The following EPS8 variants were observed in gnomAD, a reference collection of about 807,000 sequenced individuals.
EPS8 encodes epidermal growth factor receptor kinase substrate 8.
In EPS8, 42 loss-of-function variants were observed where a neutral mutation model predicts 103.8. That is an observed-to-expected ratio of 0.40 (90% CI 0.32 to 0.52). The LOEUF is 0.52. Among genes scored for constraint, EPS8 ranks in the 20% least tolerant of loss-of-function variants. The pLI, the probability that EPS8 is intolerant of heterozygous loss-of-function variation, is 0.40. For synonymous variants in EPS8, 344 were observed against 344.6 expected (o/e 1.00, Z 0.02); for missense variants, 969 against 1,005.1 (o/e 0.96, Z 0.49).
chr12:15,628,716 T>C lies in EPS8; in HGVS notation c.2044+2726A>G, dbSNP rs1215775212. Among the ~76,000 whole-genome samples the C allele has an allele frequency of 3.9e-5, 6 of 152,242 alleles. No homozygotes were observed. The East Asian group carries it at 1.2e-3, about 29-fold the overall frequency. On this transcript the variant is annotated intron_variant, in intron 18 of 20. Coordinates refer to ENST00000281172, the MANE Select transcript of EPS8 (RefSeq NM_004447.6). ...TTGTAAAAACAGGCATGTTGGCTTT[T>C]TTCCCCTGTTCATAGCTGCTACTTG...
rs188804799 is a variant in EPS8, at chr12:15,744,936, C to T, written c.-22+44225G>A. Among the ~76,000 whole-genome samples, 251 of 152,130 alleles carry T rather than the reference C, an allele frequency of 1.6e-3. 1 individual carries two copies. The highest frequency in any genetic ancestry group is 4.4e-3 in the African/African-American group (182 of 41,520). On this transcript the variant is annotated intron_variant, in intron 1 of 20. Transcript: ENST00000281172. ...CTGTCACCAGGCTAGAGTGCAGTGGCGCGATCTCGGCTCACCTCCCAGGTT... is the reference window on the plus strand; with the variant it reads ...CTGTCACCAGGCTAGAGTGCAGTGGTGCGATCTCGGCTCACCTCCCAGGTT...
intron 1 of EPS8, among the ~76,000 whole-genome samples, chr12:15,699,674 A>T (rs1464583349): frequency 6.6e-6 from 1 of 152,224 alleles, no homozygotes; most frequent in Non-Finnish European, 1.5e-5. Context: ...TTTGGCTTAC[A>T]TAATTTTTCC....
chr12:15,722,082 T>A (rs150800007), intron 1 of EPS8, among the ~76,000 whole-genome samples: 1 of 151,884 alleles, frequency 6.6e-6, no homozygotes, highest in Admixed American at 6.6e-5. Flanking sequence ...TGATTTCTCA[T>A]TGAAGCCTTC....
intron 1 of EPS8, among the ~76,000 whole-genome samples, chr12:15,711,564 A>T (rs1343774683): frequency 2.6e-5 from 4 of 152,144 alleles, no homozygotes; most frequent in Admixed American, 2.6e-4. Context: ...CATTCCAAGA[A>T]CATATATGGA....
At position 15,764,025 on chromosome 12, in the gene EPS8, G is replaced by A. The variant is rs1591927627; in HGVS notation, c.-22+25136C>T. ...TTAGTATATTCTCACACTAATAATA[G>A]ACATACCTGAGACTAATTTATAAAG... On this transcript the variant is annotated intron_variant, in intron 1 of 20. Coordinates refer to ENST00000281172, the MANE Select transcript of EPS8 (RefSeq NM_004447.6). This position sits in a 1 kb window ranked among gnomAD's most constrained non-coding sequence, Gnocchi z 4.1. Among the ~76,000 whole-genome samples, 2 of 152,232 alleles carry A rather than the reference G, an allele frequency of 1.3e-5. No individual in the cohort carries two copies. Among genetic ancestry groups the A allele is most frequent in the East Asian group, 3.9e-4 (2 of 5,168 alleles).
In EPS8 at chr12:15,767,298, T is replaced by C. The variant is rs1947108166; in HGVS notation, c.-22+21863A>G. ...TCATCCCTACCATTTTCACAAATTA[T>C]TTCTACAGAAGCAGACTAGTTCTAC... On this transcript the variant is annotated intron_variant, in intron 1 of 20. Coordinates refer to ENST00000281172, the MANE Select transcript of EPS8 (RefSeq NM_004447.6). This position sits in a 1 kb window ranked among gnomAD's most constrained non-coding sequence, Gnocchi z 5.5. Among the ~76,000 whole-genome samples, 1 of 152,226 alleles carries C rather than the reference T, an allele frequency of 6.6e-6. No individual in the cohort carries two copies. Among genetic ancestry groups the C allele is most frequent in the Admixed American group, 6.5e-5 (1 of 15,280 alleles).
intron 1 of EPS8, among the ~76,000 whole-genome samples, chr12:15,723,556 A>C (rs1037220167): frequency 6.6e-6 from 1 of 152,178 alleles, no homozygotes; most frequent in South Asian, 2.1e-4. Flanking sequence ...CAAAATATAC[A>C]TACATCTTGG....
Position 15,621,270 on chromosome 12 carries a change from G to A in EPS8, c.*47C>T. On this transcript the variant is annotated 3_prime_UTR_variant, in exon 21 of 21. Transcript: ENST00000281172. ...TTCAAGGCTTCTTAAAACAAAGCAT[G>A]TTGGAATAATGCCAAAAACAATGGA... The A allele has an allele frequency of 1.0e-6, 1 of 983,356 alleles. No individual in the cohort carries two copies. The highest frequency in any genetic ancestry group is 1.5e-6 in the Non-Finnish European group (1 of 656,152). The allele number at this position is 983,356 out of a possible 1,614,324, so 60.9% of individuals were successfully genotyped here. A position where few individuals can be genotyped will look rare whatever the true frequency, so the allele number is the denominator to read the frequency against.
At chr12:15,660,277 CTTTT>C (rs758054887) in intron 10 of EPS8, among the ~76,000 whole-genome samples, 1 of 141,224 alleles carries the variant, frequency 7.1e-6, no homozygotes, top group African/African-American at 2.6e-5. Context: ...TACCAGAGTT[CTTTT>C]TTTTTTTTTT....
At chr12:15,754,430 A>C (rs563431985) in intron 1 of EPS8, among the ~76,000 whole-genome samples, 37 of 152,236 alleles carry the variant, frequency 2.4e-4, no homozygotes, top group South Asian at 2.1e-3. Context: ...ACAGGGGGAA[A>C]AACAAGAAGG....
At chr12:15,657,970 T>C in intron 12 of EPS8, 109 bp downstream of exon 12, 2 of 684,260 alleles carry the variant, frequency 2.9e-6, no homozygotes, top group Non-Finnish European at 2.6e-6. Flanking sequence ...GGCAAAGAAA[T>C]AGTACCCACG....
intron 1 of EPS8, among the ~76,000 whole-genome samples, chr12:15,730,118 T>C (rs1419914560): frequency 1.3e-5 from 2 of 152,160 alleles, no homozygotes; most frequent in East Asian, 3.9e-4. Context: ...TCTCTATAAC[T>C]TTGGGGCATC....
chr12:15,681,312 T>A lies in EPS8; in HGVS notation c.60-10A>T. The A allele has an allele frequency of 1.0e-6, 1 of 959,716 alleles. No individual in the cohort carries two copies. Among genetic ancestry groups the A allele is most frequent in the Non-Finnish European group, 1.4e-6 (1 of 715,702 alleles). 59.5% of individuals were successfully genotyped at this position (959,716 alleles called of 1,614,324 possible). ...TGATGATCCGTAGCCACTGTAATAA[T>A]AATAATAATAATAATAATAATAATA... On this transcript the variant is annotated splice_polypyrimidine_tract_variant and intron_variant, in intron 2 of 20. Coordinates refer to ENST00000281172, the MANE Select transcript of EPS8 (RefSeq NM_004447.6).
At chr12:15,710,213 TAAAG>T (rs1946443728) in intron 1 of EPS8, among the ~76,000 whole-genome samples, 1 of 152,180 alleles carries the variant, frequency 6.6e-6, no homozygotes, top group South Asian at 2.1e-4. Flanking sequence ...ACAAGGAAGA[TAAAG>T]AATCCAATGG....
intron 13 of EPS8, among the ~76,000 whole-genome samples, chr12:15,653,749 G>C (rs1945456197): frequency 6.6e-6 from 1 of 152,184 alleles, no homozygotes; most frequent in African/African-American, 2.4e-5. Context: ...CTGCAAAATA[G>C]GGATAATAAG....
At chr12:15,774,884 G>A (rs1328054556) in intron 1 of EPS8, among the ~76,000 whole-genome samples, 1 of 151,748 alleles carries the variant, frequency 6.6e-6, no homozygotes, top group Non-Finnish European at 1.5e-5. Flanking sequence ...CCCAATCCAT[G>A]CATGCTTAGT....
At chr12:15,774,330 C>G (rs1419351788) in intron 1 of EPS8, among the ~76,000 whole-genome samples, 1 of 133,158 alleles carries the variant, frequency 7.5e-6, no homozygotes. Flanking sequence ...CTTCACCCCA[C>G]CCCCCCTGCA....
chr12:15,705,599 TATC>T (rs1565509867), intron 1 of EPS8, among the ~76,000 whole-genome samples: 1 of 152,308 alleles, frequency 6.6e-6, no homozygotes, highest in East Asian at 1.9e-4. Context: ...CCATACAAAA[TATC>T]AATAATTATA....
At chr12:15,740,897 A>C (rs1946814429) in intron 1 of EPS8, among the ~76,000 whole-genome samples, 1 of 152,222 alleles carries the variant, frequency 6.6e-6, no homozygotes, top group African/African-American at 2.4e-5. Context: ...GTGGATTGGT[A>C]ATGATAGAAA....
Sources: gnomAD v4.1 joint callset for allele counts (sites outside exome capture counted in the v4.1 genomes callset) on GRCh38, gnomAD v4.1.1 for gene constraint, Gnocchi (gnomAD v3.1) non-coding constraint, MANE v1.5 for transcripts, NCBI Gene and HGNC (gene_info 2026-07-23, HGNC 2026-07-21) for gene names.